Variants in TRIO observed in about 807,000 individuals in gnomAD.
The protein encoded by TRIO is triple functional domain protein.
Under a neutral mutation model 351.9 loss-of-function variants are expected in TRIO, and 58 were observed. The ratio of observed to expected loss-of-function variants is 0.16; its 90% confidence interval spans 0.13 to 0.21. The LOEUF is 0.21. Ranked by LOEUF, TRIO falls within the 10% of genes least tolerant of loss-of-function variation. The pLI is 1.00. For missense variants in TRIO, 3,201 were observed against 4,027.8 expected, an observed-to-expected ratio of 0.79 and a Z score of 5.56; for synonymous variants, 1,758 against 1,595.7, an observed-to-expected ratio of 1.10 and a Z score of -2.42.
At chr5:14,479,810 C>G in intron 42 of TRIO, 109 bp from the exon 43 acceptor site, 1 of 962,718 alleles carries the variant, frequency 1.0e-6, no homozygotes, top group East Asian at 2.6e-5. Context: ...GCTTTTTTTC[C>G]TCGTTACTTT....
chr5:14,190,802 G>C (rs2152148507), intron 1 of TRIO, among the ~76,000 whole-genome samples: 1 of 152,176 alleles, frequency 6.6e-6, no homozygotes, highest in African/African-American at 2.4e-5. Flanking sequence ...TGGCTGTTAT[G>C]ATCACCTCAG....
chr5:14,291,271 G>A, intron 5 of TRIO, 43 bp downstream of exon 5: 10 of 1,585,484 alleles, frequency 6.3e-6, no homozygotes, highest in Non-Finnish European at 7.7e-6. Context: ...CATGGGGGAA[G>A]CCAGCGCTGG....
chr5:14,509,360 A>T lies in TRIO; in HGVS notation c.*938A>T, dbSNP rs756564256. On this transcript the variant is annotated 3_prime_UTR_variant, in exon 57 of 57. Transcript: ENST00000344204. ...TATATAGAAAAAGCACATACTTCGTATGGTGAGCTTTATGGTTTTGTGTGT... is the reference window on the plus strand; with the variant it reads ...TATATAGAAAAAGCACATACTTCGTTTGGTGAGCTTTATGGTTTTGTGTGT... 24 of 416,290 alleles carry T rather than the reference A, an allele frequency of 5.8e-5. No homozygotes were observed. The highest frequency in any genetic ancestry group is 4.0e-4 in the Admixed American group (14 of 35,288). The allele number at this position is 416,290 out of a possible 1,614,324, so 25.8% of individuals were successfully genotyped here.
intron 7 of TRIO, among the ~76,000 whole-genome samples, chr5:14,304,127 G>A (rs1301085736): frequency 6.6e-6 from 1 of 152,132 alleles, no homozygotes; most frequent in Non-Finnish European, 1.5e-5. Context: ...AGTTAGAAAC[G>A]TGGATTCAAA....
At chr5:14,422,340 C>A (rs1199593944) in intron 34 of TRIO, among the ~76,000 whole-genome samples, 1 of 152,198 alleles carries the variant, frequency 6.6e-6, no homozygotes, top group Non-Finnish European at 1.5e-5. Context: ...CTCTGACCTT[C>A]TAGGCAGGAG....
At chr5:14,231,011 A>G (rs1185698552) in intron 1 of TRIO, among the ~76,000 whole-genome samples, 1 of 152,228 alleles carries the variant, frequency 6.6e-6, no homozygotes, top group Non-Finnish European at 1.5e-5. Flanking sequence ...TTACTTGCCA[A>G]TGCCTAGTTC....
chr5:14,477,830 T>A (rs1392997055), intron 41 of TRIO, among the ~76,000 whole-genome samples: 1 of 152,220 alleles, frequency 6.6e-6, no homozygotes, highest in Non-Finnish European at 1.5e-5. Flanking sequence ...CATTACACAG[T>A]ATCCAAAAAT....
intron 34 of TRIO, among the ~76,000 whole-genome samples, chr5:14,444,769 A>G (rs1317525390): frequency 6.6e-6 from 1 of 152,246 alleles, no homozygotes; most frequent in African/African-American, 2.4e-5. Context: ...ATTTTTAGCC[A>G]AGAAGCAAAG....
At chr5:14,231,844 ATT>A (rs200567229) in intron 1 of TRIO, among the ~76,000 whole-genome samples, 2,098 of 145,020 alleles carry the variant, frequency 0.014, 50 homozygotes, top group African/African-American at 0.05. Flanking sequence ...CCAGTGACTG[ATT>A]TTTTTTTTTT....
chr5:14,237,576 C>T (rs1214669967), intron 1 of TRIO, among the ~76,000 whole-genome samples: 1 of 152,190 alleles, frequency 6.6e-6, no homozygotes, highest in Non-Finnish European at 1.5e-5. Flanking sequence ...CGTGCGCACA[C>T]CTGCTGCGGA....
chr5:14,448,435 G>C (rs554686703), intron 34 of TRIO, among the ~76,000 whole-genome samples: 1 of 152,230 alleles, frequency 6.6e-6, no homozygotes, highest in Non-Finnish European at 1.5e-5. Flanking sequence ...GCCTAGACGT[G>C]GCCTTATGCC....
At chr5:14,200,365 G>C (rs911763610) in intron 1 of TRIO, among the ~76,000 whole-genome samples, 6 of 152,196 alleles carry the variant, frequency 3.9e-5, no homozygotes, top group African/African-American at 1.4e-4. Flanking sequence ...CCACCATCCT[G>C]TCCTTTGTCT....
chr5:14,205,957 T>C (rs1791432532), intron 1 of TRIO, among the ~76,000 whole-genome samples: 1 of 152,146 alleles, frequency 6.6e-6, no homozygotes. Context: ...GTCTCAAACT[T>C]CTGACCTCTC....
intron 1 of TRIO, among the ~76,000 whole-genome samples, chr5:14,247,237 G>T (rs1360314167): frequency 6.6e-6 from 1 of 152,214 alleles, no homozygotes; most frequent in Non-Finnish European, 1.5e-5. Flanking sequence ...GTCAAGACAT[G>T]GAAATGTCCT....
chr5:14,498,205 GA>G lies in TRIO; in HGVS notation c.8166del (p.Glu2722AspfsTer5). On this transcript the variant is annotated frameshift_variant, in exon 52 of 57. Coordinates refer to ENST00000344204, the MANE Select transcript of TRIO (RefSeq NM_007118.4). LOFTEE classifies it high-confidence loss of function. Reference sequence around the variant, plus strand: ...AGCCTCAATTACCTGGAAGGGCCCTGAACACAACACCTTGAACAACGATGGT... The same window carrying G: ...AGCCTCAATTACCTGGAAGGGCCCTGACACAACACCTTGAACAACGATGGT... ...PKASITWKGP[E>X]HNTLNNDGHY... 6.2e-7 allele frequency: 1 copy of G among 1,614,214 alleles called. No individual in the cohort carries two copies. The highest frequency in any genetic ancestry group is 8.5e-7 in the Non-Finnish European group (1 of 1,180,038).
At chr5:14,452,941 A>G (rs1363779021) in intron 34 of TRIO, among the ~76,000 whole-genome samples, 1 of 152,068 alleles carries the variant, frequency 6.6e-6, no homozygotes, top group Non-Finnish European at 1.5e-5. Flanking sequence ...TCCCAAATTT[A>G]CAGACTGGGC....
chr5:14,396,368 T>C (rs919972880), intron 28 of TRIO, among the ~76,000 whole-genome samples: 11 of 150,246 alleles, frequency 7.3e-5, no homozygotes, highest in African/African-American at 2.7e-4. Context: ...AAACGCACAG[T>C]TGGACCTGAC....
chr5:14,173,570 C>T (rs148747033), intron 1 of TRIO, among the ~76,000 whole-genome samples: 61 of 152,072 alleles, frequency 4.0e-4, no homozygotes, highest in African/African-American at 1.4e-3. Context: ...TCTTCATTTA[C>T]AGAAGCAATA....
chr5:14,459,946 C>T (rs753880660), intron 34 of TRIO, among the ~76,000 whole-genome samples: 7 of 151,774 alleles, frequency 4.6e-5, no homozygotes, highest in East Asian at 1.9e-4. Flanking sequence ...GATGCAGTTT[C>T]GCTCTGTCGT....
Sources: gnomAD v4.1 joint callset for allele counts (sites outside exome capture counted in the v4.1 genomes callset) on GRCh38, gnomAD v4.1.1 for gene constraint, MANE v1.5 for transcripts, NCBI Gene and HGNC (gene_info 2026-07-23, HGNC 2026-07-21) for gene names.